Variants in BSN observed in about 807,000 individuals in gnomAD.
The protein encoded by BSN is bassoon presynaptic cytomatrix protein, also known as protein bassoon.
BSN carries 57 observed loss-of-function variants against 264.8 expected under a neutral mutation model. That is an observed-to-expected ratio of 0.22 (90% CI 0.17 to 0.27). The LOEUF (loss-of-function observed/expected upper bound fraction) is 0.27, where lower values mean the gene tolerates loss of function less well. BSN is among the 10% of genes least tolerant of loss of function. The pLI is 1.00. For missense variants in BSN, 4,615 were observed against 5,232.5 expected, an observed-to-expected ratio of 0.88 and a Z score of 3.64; for synonymous variants, 2,059 against 2,137.3, an observed-to-expected ratio of 0.96 and a Z score of 1.01.
At position 49,657,827 on chromosome 3, in the gene BSN, A is replaced by G. The variant is rs1179022283; in HGVS notation, c.8271A>G (p.Arg2757=). The G allele has an allele frequency of 8.1e-6, 13 of 1,606,948 alleles. No homozygotes were observed. The highest frequency in any genetic ancestry group is 1.1e-5 in the Non-Finnish European group (13 of 1,176,982). The change falls in exon 5 of 12, where the codon AGA becomes AGG. Residue 2757 remains arginine (R), a synonymous_variant. Transcript: ENST00000296452. ...TCGTCACCCCAGGGCCTCTGGGCAG[A>G]TTTGAAAAAAAGAAGCCAGATCCCC... The part of the protein sequence containing the change: ...IQIVTPGPLG[R]FEKKKPDPLE...
intron 3 of BSN, among the ~76,000 whole-genome samples, chr3:49,644,340 A>G (rs1411040266): frequency 6.6e-6 from 1 of 152,168 alleles, no homozygotes; most frequent in African/African-American, 2.4e-5. Context: ...TGATGTTGCC[A>G]TGGCCTCTGT....
At chr3:49,570,552 C>T (rs1054373667) in intron 1 of BSN, among the ~76,000 whole-genome samples, 1 of 152,174 alleles carries the variant, frequency 6.6e-6, no homozygotes, top group Admixed American at 6.5e-5. Flanking sequence ...CCTACTCAGG[C>T]CCCCAGTTGG....
At position 49,653,086 on chromosome 3, in the gene BSN, C is replaced by G. The variant is rs2052558656; in HGVS notation, c.3530C>G (p.Ser1177Cys). Residue 1177 changes from serine (S) to cysteine (C), a missense_variant, in exon 5 of 12, where the codon TCC (serine) becomes TGC (cysteine). Physicochemically the swap from Ser to Cys is moderately radical, Grantham distance 112. This residue lies in a region of BSN where 3,415 missense variants were observed against 3,866.4 expected (regional missense o/e 0.88). Transcript: ENST00000296452. This position sits in a 1 kb window ranked among gnomAD's most constrained non-coding sequence, Gnocchi z 6.3. ...TCCGGCAGCTCCACCACTCCCAGTT[C>G]CGGACGGCCGCTCAAGAGCGCTGAG... is the stretch of plus-strand genomic sequence containing the variant. The part of the protein sequence containing the change: ...TPSGSSTTPS[S>C]GRPLKSAEEA... 1.2e-6 allele frequency: 2 copies of G among 1,613,594 alleles called. No individual in the cohort carries two copies. The highest frequency in any genetic ancestry group is 1.7e-6 in the Non-Finnish European group (2 of 1,180,028).
chr3:49,587,927 CTTTT>C (rs1553659712), intron 1 of BSN, among the ~76,000 whole-genome samples: 2 of 138,242 alleles, frequency 1.4e-5, no homozygotes, highest in African/African-American at 3.0e-5. Flanking sequence ...CTTTTCTTTT[CTTTT>C]TTTTTTTGAG....
At chr3:49,566,623 A>G (rs1182438531) in intron 1 of BSN, among the ~76,000 whole-genome samples, 1 of 151,978 alleles carries the variant, frequency 6.6e-6, no homozygotes, top group Non-Finnish European at 1.5e-5. Flanking sequence ...CATCTCTACA[A>G]AAATACAAAA....
intron 1 of BSN, among the ~76,000 whole-genome samples, chr3:49,605,826 A>T (rs2052129106): frequency 1.2e-5 from 1 of 84,158 alleles, no homozygotes; most frequent in Non-Finnish European, 2.0e-5. Flanking sequence ...ATTTTGTATA[A>T]ATAGATATAA....
At position 49,651,788 on chromosome 3, in the gene BSN, G is replaced by A. The variant is rs1213159262; in HGVS notation, c.2232G>A (p.Glu744=). 1 of 1,613,150 alleles carries A rather than the reference G, an allele frequency of 6.2e-7. No homozygotes were observed. The highest frequency in any genetic ancestry group is 8.5e-7 in the Non-Finnish European group (1 of 1,180,010). The change falls in exon 5 of 12, where the codon GAG becomes GAA. Residue 744 remains glutamate (E), a synonymous_variant. Transcript: ENST00000296452. This position sits in a 1 kb window ranked among gnomAD's most constrained non-coding sequence, Gnocchi z 5.4. ...LLQAQGLAPS[E]RSKPLSSGTG... is the part of the protein sequence containing the mutation. ...AGGCCCAGGGCCTGGCCCCAAGTGA[G>A]CGGAGCAAGCCACTCTCCAGCGGTA...
Position 49,652,744 on chromosome 3 carries a change from A to G in BSN, c.3188A>G (p.Glu1063Gly). ...GAGCAAGAGAAGATGCGGGAGGTGG[A>G]GCAGCAGCGCATCCGCAGCACGGCC... ...LREQEKMREV[E>G]QQRIRSTARK... Residue 1063 changes from glutamate to glycine, a missense_variant, in exon 5 of 12, where the codon GAG becomes GGG. Coordinates refer to ENST00000296452, the MANE Select transcript of BSN (RefSeq NM_003458.4). 1 of 1,558,178 alleles carries G rather than the reference A, an allele frequency of 6.4e-7. No homozygotes were observed. The highest frequency in any genetic ancestry group is 1.9e-5 in the Admixed American group (1 of 52,720).
chr3:49,608,576 T>C (rs1265569433), intron 1 of BSN, among the ~76,000 whole-genome samples: 2 of 152,158 alleles, frequency 1.3e-5, no homozygotes, highest in African/African-American at 2.4e-5. Flanking sequence ...ACGCCTATAA[T>C]CCCAGCACTT....
chr3:49,608,780 A>G (rs578252643), intron 1 of BSN, among the ~76,000 whole-genome samples: 14 of 151,880 alleles, frequency 9.2e-5, no homozygotes, highest in African/African-American at 3.4e-4. Context: ...GTGAGCCGAG[A>G]TCGTGCCACT....
In BSN at chr3:49,661,691, C is replaced by T; in HGVS notation, c.9846C>T (p.Cys3282=). The change falls in exon 6 of 12, where the codon TGC becomes TGT. Residue 3282 remains cysteine, a synonymous_variant. Transcript: ENST00000296452. ...TCCTTGACGGGCCCACACTGCCCTG[C>T]TGCTATGCCAGAGGAGAAGAGGAAT... is the stretch of plus-strand genomic sequence containing the variant. ...PGVLDGPTLP[C]CYARGEEESE... The T allele has an allele frequency of 6.2e-7, 1 of 1,613,768 alleles. No individual in the cohort carries two copies. The highest frequency in any genetic ancestry group is 8.5e-7 in the Non-Finnish European group (1 of 1,180,040).
rs1251221089 is a variant in BSN at position 49,650,724 on chromosome 3, C to T, written c.1631C>T (p.Pro544Leu). The stretch of plus-strand genomic sequence containing the variant: ...TCACAGCAGCCCCCTGTAGGGGCCC[C>T]TCACCGTGCATCTGGAACATCCCCT... ...PTSQQPPVGA[P>L]HRASGTSPLK... Residue 544 changes from proline (P) to leucine (L), a missense_variant, in exon 4 of 12, where the codon CCT (proline) becomes CTT (leucine). By Grantham distance (98) the Pro-to-Leu change is moderately conservative. Transcript: ENST00000296452. 1.9e-6 allele frequency: 3 copies of T among 1,613,302 alleles called. No homozygotes were observed. The highest frequency in any genetic ancestry group is 2.7e-5 in the African/African-American group (2 of 74,916).
chr3:49,599,616 C>T (rs62261251), intron 1 of BSN, among the ~76,000 whole-genome samples: 12 of 152,074 alleles, frequency 7.9e-5, no homozygotes, highest in Non-Finnish European at 1.6e-4. Context: ...TAGACTTTCT[C>T]GATTGAATAT....
chr3:49,579,465 G>A (rs192482868), intron 1 of BSN, among the ~76,000 whole-genome samples: 2 of 151,498 alleles, frequency 1.3e-5, no homozygotes, highest in Admixed American at 1.3e-4. Flanking sequence ...TGCAGTGGCA[G>A]GATCTCTGCT....
At chr3:49,611,643 C>T (rs1483712863) in intron 1 of BSN, among the ~76,000 whole-genome samples, 4 of 152,206 alleles carry the variant, frequency 2.6e-5, no homozygotes, top group Non-Finnish European at 5.9e-5. Context: ...AAAGCCGAGC[C>T]TAGTAGGGGA....
intron 1 of BSN, among the ~76,000 whole-genome samples, chr3:49,579,488 C>T (rs944969949): frequency 9.9e-5 from 15 of 151,668 alleles, no homozygotes; most frequent in East Asian, 1.9e-4. Flanking sequence ...CTGCAGCCTC[C>T]GACTCCAGGG....
intron 1 of BSN, 47 bp from the exon 2 acceptor site, chr3:49,624,928 G>T: frequency 1.4e-6 from 2 of 1,469,268 alleles, no homozygotes; most frequent in South Asian, 2.9e-5. Context: ...TCCGCAAGCT[G>T]CTTCTCTAAG....
intron 1 of BSN, among the ~76,000 whole-genome samples, chr3:49,584,654 T>C (rs2108018485): frequency 6.6e-6 from 1 of 152,316 alleles, no homozygotes; most frequent in Middle Eastern, 3.4e-3. Context: ...CTTTAAGTTA[T>C]TTAAAAATAT....
At chr3:49,587,661 G>C (rs914522372) in intron 1 of BSN, among the ~76,000 whole-genome samples, 1 of 152,150 alleles carries the variant, frequency 6.6e-6, no homozygotes, top group African/African-American at 2.4e-5. Flanking sequence ...TTTCCTATTG[G>C]TTGCTTGATT....
Sources: gnomAD v4.1 joint callset for allele counts (sites outside exome capture counted in the v4.1 genomes callset) on GRCh38, gnomAD v4.1.1 for gene constraint, gnomAD v4.1.1 regional missense constraint, Gnocchi (gnomAD v3.1) non-coding constraint, MANE v1.5 for transcripts, NCBI Gene and HGNC (gene_info 2026-07-23, HGNC 2026-07-21) for gene names.